Variants in IMPDH1 observed in about 807,000 individuals in gnomAD.
The protein encoded by IMPDH1 is inosine-5'-monophosphate dehydrogenase 1.
In IMPDH1, 41 loss-of-function variants were observed where a neutral mutation model predicts 73.5. The observed-to-expected ratio is 0.56, with a 90% CI of 0.43 to 0.72. IMPDH1 has a LOEUF of 0.72. Ranked by LOEUF, IMPDH1 falls within the 30% of genes least tolerant of loss-of-function variation. The probability of loss-of-function intolerance (pLI) is 0.00; values close to 1 mark genes in which losing one functional copy is unlikely to be tolerated. For synonymous variants in IMPDH1, 318 were observed against 334.3 expected, an observed-to-expected ratio of 0.95 and a Z score of 0.53; for missense variants, 645 against 824.8, an observed-to-expected ratio of 0.78 and a Z score of 2.67.
At chr7:128,400,945 G>A (rs765193000) in intron 6 of IMPDH1, 54 bp from the exon 7 acceptor site, 8 of 1,596,050 alleles carry the variant, frequency 5.0e-6, no homozygotes, top group Non-Finnish European at 6.0e-6. Context: ...CCTCAGCCCT[G>A]CCCCTCAGCA....
chr7:128,394,544 C>CT lies in IMPDH1; in HGVS notation c.1605dup (p.Gly536ArgfsTer41). The CT allele has an allele frequency of 1.2e-6, 2 of 1,613,992 alleles. No individual in the cohort carries two copies. The highest frequency in any genetic ancestry group is 2.2e-5 in the South Asian group (2 of 91,080). ...TAGGGCACGAACTTCTGAATGGATC[C>CT]TTTGTCCTGGATGGAGCCCGAGACA... On this transcript the variant is annotated frameshift_variant, in exon 15 of 17. Coordinates refer to ENST00000338791, the MANE Select transcript of IMPDH1 (RefSeq NM_000883.4). LOFTEE classifies it high-confidence loss of function. The surrounding 1 kb of genome is among the most constrained non-coding windows in gnomAD (Gnocchi z 5.5).
chr7:128,394,880 T>A lies in IMPDH1; in HGVS notation c.1550+9A>T, dbSNP rs374987865. On this transcript the variant is annotated intron_variant, in intron 14 of 16. Transcript: ENST00000338791. The surrounding 1 kb of genome is among the most constrained non-coding windows in gnomAD (Gnocchi z 5.5). ...TGATCTGCCCAGGTGGGGCCCAGGGTCAGGGAACCTGAAGTATCGTTTCTG... is the reference window on the plus strand; with the variant it reads ...TGATCTGCCCAGGTGGGGCCCAGGGACAGGGAACCTGAAGTATCGTTTCTG... 36 of 1,610,696 alleles carry A rather than the reference T, an allele frequency of 2.2e-5. No individual in the cohort carries two copies. The highest frequency in any genetic ancestry group is 3.1e-5 in the Non-Finnish European group (36 of 1,179,960).
At chr7:128,393,055 C>G in intron 16 of IMPDH1, 27 bp from the exon 17 acceptor site, 1 of 1,613,698 alleles carries the variant, frequency 6.2e-7, no homozygotes, top group East Asian at 2.2e-5. Context: ...AGAGGGGGAA[C>G]AAGAGTGGGT....
In IMPDH1 at chr7:128,396,758, C is replaced by T; in HGVS notation, c.1166-63G>A. 1.4e-6 allele frequency: 2 copies of T among 1,396,814 alleles called. No individual in the cohort carries two copies. Among genetic ancestry groups the T allele is most frequent in the Non-Finnish European group, 2.0e-6 (2 of 1,007,146 alleles). The allele number at this position is 1,396,814 out of a possible 1,614,324, so 86.5% of individuals were successfully genotyped here. On this transcript the variant is annotated intron_variant, in intron 11 of 16. Coordinates refer to ENST00000338791, the MANE Select transcript of IMPDH1 (RefSeq NM_000883.4). This position sits in a 1 kb window ranked among gnomAD's most constrained non-coding sequence, Gnocchi z 4.0. ...TGGGATGCCCCTGCCTGCCCAACAG[C>T]CTCTTGGGACCCCAGTCTAGCACCC...
rs555532536 is a variant in IMPDH1 at position 128,403,152 on chromosome 7, C to G, written c.402+554G>C. On this transcript the variant is annotated intron_variant, in intron 5 of 16. Transcript: ENST00000338791. ...AGGCTCTGTCACTGACAGAGAGCCA[C>G]CCAGCCCTGGGCCAGGCCTCACTCA... Among the ~76,000 whole-genome samples, 8 of 152,310 alleles carry G rather than the reference C, an allele frequency of 5.3e-5. No individual in the cohort carries two copies. In the South Asian group the frequency reaches 1.7e-3, roughly 32 times the overall value.
Position 128,394,669 on chromosome 7 carries a change from CA to C in IMPDH1, c.1551-71del. The C allele has an allele frequency of 1.9e-6, 3 of 1,586,936 alleles. No homozygotes were observed. Among genetic ancestry groups the C allele is most frequent in the Non-Finnish European group, 8.6e-7 (1 of 1,162,480 alleles). On this transcript the variant is annotated intron_variant, in intron 14 of 16. Transcript: ENST00000338791. The surrounding 1 kb of genome is among the most constrained non-coding windows in gnomAD (Gnocchi z 5.5). ...AGGACCCCACCCCACCTCTTAAGGGCAAAAACGGGATACCGCCCAGGAAGGT... is the reference window on the plus strand; with the variant it reads ...AGGACCCCACCCCACCTCTTAAGGGCAAAACGGGATACCGCCCAGGAAGGT...
At chr7:128,403,839 G>A (rs898105239) in intron 4 of IMPDH1, 85 bp from the exon 5 acceptor site, 2 of 1,223,588 alleles carry the variant, frequency 1.6e-6, no homozygotes, top group African/African-American at 3.0e-5. Flanking sequence ...AGGCAGCAGG[G>A]GGGTACAGAA....
At position 128,394,645 on chromosome 7, in the gene IMPDH1, G is replaced by C; in HGVS notation, c.1551-46C>G. The C allele has an allele frequency of 6.2e-7, 1 of 1,609,064 alleles. No individual in the cohort carries two copies. Among genetic ancestry groups the C allele is most frequent in the Non-Finnish European group, 8.5e-7 (1 of 1,178,566 alleles). On this transcript the variant is annotated intron_variant, in intron 14 of 16. Coordinates refer to ENST00000338791, the MANE Select transcript of IMPDH1 (RefSeq NM_000883.4). This position sits in a 1 kb window ranked among gnomAD's most constrained non-coding sequence, Gnocchi z 5.5. ...TGAGCCCAGCAGCTTGAAGCTCAGA[G>C]GACCCCACCCCACCTCTTAAGGGCA...
At chr7:128,405,015 T>C (rs955901711) in intron 4 of IMPDH1, among the ~76,000 whole-genome samples, 1 of 152,166 alleles carries the variant, frequency 6.6e-6, no homozygotes, top group Non-Finnish European at 1.5e-5. Context: ...GGGATGCTTT[T>C]GACTGGCCAG....
chr7:128,398,112 TTTTC>T lies in IMPDH1; in HGVS notation c.1074+298_1074+301del, dbSNP rs1476032322. 2.6e-5 allele frequency among the ~76,000 whole-genome samples: 4 copies of T among 152,250 alleles called. No individual in the cohort carries two copies. Among genetic ancestry groups the T allele is most frequent in the Admixed American group, 2.0e-4 (3 of 15,292 alleles). ...CCACTGGAGAATTTTAACTTGTTTG[TTTTC>T]TTTCTTTGTATCTCAGATGACACAA... On this transcript the variant is annotated intron_variant, in intron 10 of 16. Transcript: ENST00000338791. The surrounding 1 kb of genome is among the most constrained non-coding windows in gnomAD (Gnocchi z 4.3).
chr7:128,394,184 G>T lies in IMPDH1; in HGVS notation c.1778+94C>A. ...TCTGTCCCTGCTGCAGGTGGTCCAT[G>T]GGGTCCCTGGAACCTCAGCTTGACC... On this transcript the variant is annotated intron_variant, in intron 16 of 16. Coordinates refer to ENST00000338791, the MANE Select transcript of IMPDH1 (RefSeq NM_000883.4). The surrounding 1 kb of genome is among the most constrained non-coding windows in gnomAD (Gnocchi z 5.5). 2 of 1,001,306 alleles carry T rather than the reference G, an allele frequency of 2.0e-6. No homozygotes were observed. The highest frequency in any genetic ancestry group is 3.2e-6 in the Non-Finnish European group (2 of 631,546). 62.0% of individuals were successfully genotyped at this position (1,001,306 alleles called of 1,614,324 possible).
chr7:128,407,216 G>A (rs1563003516), intron 3 of IMPDH1, among the ~76,000 whole-genome samples: 1 of 152,198 alleles, frequency 6.6e-6, no homozygotes, highest in Non-Finnish European at 1.5e-5. Flanking sequence ...GTGGCCCTGG[G>A]AGGCTGGGTT....
At chr7:128,402,168 T>G (rs1398165201) in intron 5 of IMPDH1, among the ~76,000 whole-genome samples, 2 of 151,500 alleles carry the variant, frequency 1.3e-5, no homozygotes, top group Non-Finnish European at 2.9e-5. Flanking sequence ...AGTAGTGCAA[T>G]CCCGACTCAC....
chr7:128,397,154 T>A, intron 10 of IMPDH1, 132 bp from the exon 11 acceptor site: 1 of 496,110 alleles, frequency 2.0e-6, no homozygotes, highest in South Asian at 2.1e-5. Context: ...TCTGGTTGTT[T>A]TTTTTTTTTT....
chr7:128,396,940 C>G lies in IMPDH1; in HGVS notation c.1157G>C (p.Gly386Ala), dbSNP rs373276383. Reference protein sequence around the residue: ...KQKYPHLQVIGGNVVTAAQAK... With the variant: ...KQKYPHLQVIAGNVVTAAQAK... ...GGCGACCCCGCACTCACCGTTCCCC[C>G]CAATCACCTGGAGGTGGGGGTACTT... is the stretch of plus-strand genomic sequence containing the variant. The change falls in exon 11 of 17, where the codon GGG becomes GCG. Residue 386 changes from glycine to alanine, a missense_variant. Physicochemically the swap from Gly to Ala is moderately conservative, Grantham distance 60. Transcript: ENST00000338791. This position sits in a 1 kb window ranked among gnomAD's most constrained non-coding sequence, Gnocchi z 4.0. The G allele has an allele frequency of 1.9e-6, 3 of 1,612,704 alleles. No individual in the cohort carries two copies. Among genetic ancestry groups the G allele is most frequent in the Admixed American group, 1.7e-5 (1 of 59,996 alleles).
Position 128,405,873 on chromosome 7 carries a change from G to T in IMPDH1, c.255-8C>A. 6.6e-7 allele frequency: 1 copy of T among 1,520,014 alleles called. No homozygotes were observed. 94.2% of individuals were successfully genotyped at this position (1,520,014 alleles called of 1,614,324 possible). On this transcript the variant is annotated splice_polypyrimidine_tract_variant and splice_region_variant and intron_variant, in intron 3 of 16. Coordinates refer to ENST00000338791, the MANE Select transcript of IMPDH1 (RefSeq NM_000883.4). The stretch of plus-strand genomic sequence containing the variant: ...ATCAGGTAGTCCGCCATGCTGCCGC[G>T]AGACCCCGCGACCCGACATAAACAC...
chr7:128,407,393 G>C (rs1296849264), intron 3 of IMPDH1, among the ~76,000 whole-genome samples: 1 of 152,210 alleles, frequency 6.6e-6, no homozygotes, highest in East Asian at 1.9e-4. Context: ...GGGCCGGATT[G>C]CCAGCGATGT....
In IMPDH1 at chr7:128,396,825, C is replaced by T; in HGVS notation, c.1165+107G>A. On this transcript the variant is annotated intron_variant, in intron 11 of 16. Coordinates refer to ENST00000338791, the MANE Select transcript of IMPDH1 (RefSeq NM_000883.4). The surrounding 1 kb of genome is among the most constrained non-coding windows in gnomAD (Gnocchi z 4.0). ...TGACCAAAGCCCATCATGCTCCCTGCCACCCATGCCAGGAGCCATACCATC... is the reference window on the plus strand; with the variant it reads ...TGACCAAAGCCCATCATGCTCCCTGTCACCCATGCCAGGAGCCATACCATC... The T allele has an allele frequency of 8.9e-7, 1 of 1,129,502 alleles. No homozygotes were observed. 70.0% of individuals were successfully genotyped at this position (1,129,502 alleles called of 1,614,324 possible).
rs774984468 is a variant in IMPDH1 at position 128,400,342 on chromosome 7, G to C, written c.777C>G (p.Leu259=). The change falls in exon 8 of 17, where the codon CTC becomes CTG. Residue 259 remains leucine, a synonymous_variant. Coordinates refer to ENST00000338791, the MANE Select transcript of IMPDH1 (RefSeq NM_000883.4). ...CCTGCCCTGCAGGTACCTCACTGAG[G>C]AGGGTGGTGTGGTCCTTCTCAGCAA... is the stretch of plus-strand genomic sequence containing the variant. The part of the protein sequence containing the change: ...DFLAEKDHTT[L]LSEVMTPRIE... The C allele has an allele frequency of 1.2e-6, 2 of 1,613,418 alleles. No homozygotes were observed. Among genetic ancestry groups the C allele is most frequent in the Non-Finnish European group, 8.5e-7 (1 of 1,179,600 alleles).
Sources: gnomAD v4.1 joint callset for allele counts (sites outside exome capture counted in the v4.1 genomes callset) on GRCh38, gnomAD v4.1.1 for gene constraint, Gnocchi (gnomAD v3.1) non-coding constraint, MANE v1.5 for transcripts, NCBI Gene and HGNC (gene_info 2026-07-23, HGNC 2026-07-21) for gene names.